Variants in NBAS observed in about 807,000 individuals in gnomAD.
NBAS encodes the protein NBAS subunit of NRZ tethering complex, also known as NAG/BC035112 fusion.
In NBAS, 219 loss-of-function variants were observed where a neutral mutation model predicts 302.5. The observed-to-expected ratio is 0.72, with a 90% confidence interval of 0.65 to 0.81. The LOEUF (loss-of-function observed/expected upper bound fraction) is 0.81, where lower values mean the gene tolerates loss of function less well. Among genes scored for constraint, NBAS ranks in the 30% least tolerant of loss-of-function variants. The pLI, the probability that NBAS is intolerant of heterozygous loss-of-function variation, is 0.00. For missense variants in NBAS, 2,932 were observed against 2,841.6 expected, an observed-to-expected ratio of 1.03 and a Z score of -0.72; for synonymous variants, 1,118 against 1,021.6, an observed-to-expected ratio of 1.09 and a Z score of -1.80.
chr2:15,085,513 C>G, the NBAS span, among the ~76,000 whole-genome samples: 1 of 152,122 alleles, frequency 6.6e-6, no homozygotes, highest in African/African-American at 2.4e-5. Context: ...AGATGCAGGC[C>G]CAGGCCCAGC....
chr2:15,480,018 C>T (rs1680359773), intron 12 of NBAS, among the ~76,000 whole-genome samples: 1 of 152,184 alleles, frequency 6.6e-6, no homozygotes. Context: ...CCTACACACT[C>T]CCAAAAGTGT....
chr2:14,809,998 T>C, the NBAS span, among the ~76,000 whole-genome samples: 3 of 152,372 alleles, frequency 2.0e-5, no homozygotes, highest in Admixed American at 6.5e-5. Flanking sequence ...CCCCTTTGTT[T>C]TGGCCAATTT....
At chr2:15,444,180 G>C (rs1678598264) in intron 21 of NBAS, among the ~76,000 whole-genome samples, 1 of 151,916 alleles carries the variant, frequency 6.6e-6, no homozygotes, top group East Asian at 1.9e-4. Context: ...AACCAAAAAA[G>C]AGCCTGCAAC....
At chr2:15,530,440 T>C (rs991598187) in intron 9 of NBAS, among the ~76,000 whole-genome samples, 18 of 151,986 alleles carry the variant, frequency 1.2e-4, no homozygotes, top group African/African-American at 4.3e-4. Context: ...AAATAGGAAA[T>C]ATATCAGCAA....
intron 39 of NBAS, 120 bp downstream of exon 39, chr2:15,309,046 TAAATA>T (rs1161115043): frequency 9.6e-5 from 41 of 425,152 alleles, no homozygotes; most frequent in Non-Finnish European, 1.4e-4. Flanking sequence ...AATAAATAAA[TAAATA>T]AAAGAAAAAA....
intron 28 of NBAS, 123 bp from the exon 29 acceptor site, chr2:15,383,440 T>A: frequency 2.7e-6 from 2 of 742,464 alleles, no homozygotes; most frequent in South Asian, 3.1e-5. Context: ...ACATCAGCTC[T>A]CAAATGATCA....
intron 9 of NBAS, among the ~76,000 whole-genome samples, chr2:15,529,290 A>C (rs1311951944): frequency 2.6e-5 from 4 of 152,128 alleles, no homozygotes; most frequent in African/African-American, 9.7e-5. Context: ...GCTTGAGCTC[A>C]GGAATGCAAG....
chr2:15,035,060 G>T, the NBAS span, among the ~76,000 whole-genome samples: 3 of 150,830 alleles, frequency 2.0e-5, no homozygotes, highest in Non-Finnish European at 2.9e-5. Context: ...GTATTTCATA[G>T]TATGTTGCAC....
chr2:15,458,992 G>C (rs1474471258), intron 21 of NBAS, among the ~76,000 whole-genome samples: 3 of 152,160 alleles, frequency 2.0e-5, no homozygotes, highest in Non-Finnish European at 4.4e-5. Flanking sequence ...TGCTGCAATA[G>C]GGTATGACTA....
At chr2:15,556,248 A>G (rs181100660) in intron 3 of NBAS, among the ~76,000 whole-genome samples, 1 of 152,290 alleles carries the variant, frequency 6.6e-6, no homozygotes, top group Admixed American at 6.5e-5. Context: ...TAATTCTATA[A>G]AACAATTCCT....
At chr2:15,213,286 T>C (rs1666502939) in intron 48 of NBAS, among the ~76,000 whole-genome samples, 2 of 152,228 alleles carry the variant, frequency 1.3e-5, no homozygotes, top group South Asian at 4.1e-4. Flanking sequence ...ATTTGGTGAA[T>C]ATTCCACACA....
the NBAS span, among the ~76,000 whole-genome samples, chr2:14,877,322 C>T: frequency 6.6e-6 from 1 of 152,126 alleles, no homozygotes; most frequent in Admixed American, 6.6e-5. Context: ...TACATTCCAC[C>T]CCCCTTGATT....
chr2:15,442,989 G>T (rs1330794999), intron 21 of NBAS, among the ~76,000 whole-genome samples: 29 of 152,120 alleles, frequency 1.9e-4, no homozygotes, highest in Middle Eastern at 6.8e-3. Flanking sequence ...AATAACAGGA[G>T]CTGAAATTGT....
intron 51 of NBAS, among the ~76,000 whole-genome samples, chr2:15,168,088 T>A (rs1049699849): frequency 2.0e-5 from 3 of 152,188 alleles, no homozygotes; most frequent in Non-Finnish European, 2.9e-5. Flanking sequence ...ATTTTCAATA[T>A]TTTTTTAAAG....
At chr2:15,306,800 C>A (rs1671054511) in intron 40 of NBAS, among the ~76,000 whole-genome samples, 1 of 140,478 alleles carries the variant, frequency 7.1e-6, no homozygotes, top group Admixed American at 7.3e-5. Context: ...TTAGGATGAA[C>A]TTTATTATTA....
intron 1 of NBAS, among the ~76,000 whole-genome samples, chr2:15,560,819 A>C (rs1332900502): frequency 6.6e-6 from 1 of 152,086 alleles, no homozygotes; most frequent in African/African-American, 2.4e-5. Context: ...TCCAGATAGG[A>C]GAAAGGACCC....
intron 1 of NBAS, 73 bp from the exon 2 acceptor site, chr2:15,558,707 T>C (rs1664765726): frequency 2.6e-6 from 3 of 1,137,174 alleles, no homozygotes; most frequent in East Asian, 5.1e-5. Flanking sequence ...TTATACAATA[T>C]GTAAACTTAT....
chr2:15,433,962 AG>A (rs200734179), intron 21 of NBAS, among the ~76,000 whole-genome samples: 2 of 151,768 alleles, frequency 1.3e-5, no homozygotes, highest in Admixed American at 6.6e-5. Context: ...AAAAAAAAAA[AG>A]AAAAGACTAG....
At chr2:14,934,198 C>T in the NBAS span, among the ~76,000 whole-genome samples, 2 of 152,142 alleles carry the variant, frequency 1.3e-5, no homozygotes, top group African/African-American at 4.8e-5. Context: ...TCTCAACACC[C>T]AGTCCCACTC....
Sources: gnomAD v4.1 joint callset for allele counts (sites outside exome capture counted in the v4.1 genomes callset) on GRCh38, gnomAD v4.1.1 for gene constraint, MANE v1.5 for transcripts, NCBI Gene and HGNC (gene_info 2026-07-23, HGNC 2026-07-21) for gene names.